Variants in NRXN3 observed in about 807,000 individuals in gnomAD.
The protein encoded by NRXN3 is neurexin III.
In NRXN3, 32 loss-of-function variants were observed where a neutral mutation model predicts 137.6. That is an observed-to-expected ratio of 0.23 (90% CI 0.18 to 0.31). The LOEUF is 0.31. Ranked by LOEUF, NRXN3 falls within the 10% of genes least tolerant of loss-of-function variation. The pLI is 1.00. For synonymous variants in NRXN3, 798 were observed against 784.5 expected, an observed-to-expected ratio of 1.02 and a Z score of -0.29; for missense variants, 1,574 against 2,062.5, an observed-to-expected ratio of 0.76 and a Z score of 4.59.
At chr14:78,945,011 A>T (rs1173500100) in intron 10 of NRXN3, among the ~76,000 whole-genome samples, 1 of 152,212 alleles carries the variant, frequency 6.6e-6, no homozygotes, top group Non-Finnish European at 1.5e-5. Context: ...AGCTCTGAAC[A>T]ATCTGAAAGT....
intron 15 of NRXN3, among the ~76,000 whole-genome samples, chr14:79,296,416 G>A (rs2084134618): frequency 1.3e-5 from 2 of 151,412 alleles, no homozygotes; most frequent in African/African-American, 4.9e-5. Flanking sequence ...ATTTCCACAG[G>A]CATGCAGGAG....
chr14:79,579,059 A>G (rs2097690945), intron 16 of NRXN3, among the ~76,000 whole-genome samples: 2 of 152,066 alleles, frequency 1.3e-5, no homozygotes, highest in African/African-American at 4.8e-5. Flanking sequence ...ATACATTTCA[A>G]TTTTACAGCT....
chr14:79,269,323 A>G (rs1329609272), intron 15 of NRXN3, among the ~76,000 whole-genome samples: 1 of 152,220 alleles, frequency 6.6e-6, no homozygotes, highest in Non-Finnish European at 1.5e-5. Context: ...TGCTGGGATT[A>G]CAGGAGTGAG....
intron 4 of NRXN3, among the ~76,000 whole-genome samples, chr14:78,422,822 G>A (rs1039594656): frequency 2.6e-5 from 4 of 152,182 alleles, no homozygotes; most frequent in African/African-American, 9.6e-5. Flanking sequence ...AAAGGGCTAT[G>A]AAACGCCAGT....
At chr14:79,294,736 A>G (rs1432188740) in intron 15 of NRXN3, among the ~76,000 whole-genome samples, 1 of 152,172 alleles carries the variant, frequency 6.6e-6, no homozygotes, top group Non-Finnish European at 1.5e-5. Context: ...AAAGAAATGC[A>G]TTGGAATTCA....
intron 19 of NRXN3, among the ~76,000 whole-genome samples, chr14:79,799,624 T>G (rs2140460186): frequency 6.6e-6 from 1 of 152,284 alleles, no homozygotes. Flanking sequence ...AAACCGTGTT[T>G]TAGACCTCTA....
chr14:78,561,042 A>G (rs1243183161), intron 4 of NRXN3, among the ~76,000 whole-genome samples: 4 of 152,212 alleles, frequency 2.6e-5, no homozygotes, highest in Non-Finnish European at 5.9e-5. Flanking sequence ...AGAACAGCAT[A>G]GCTTTACTTC....
At chr14:79,662,546 C>T (rs1222611580) in intron 16 of NRXN3, among the ~76,000 whole-genome samples, 1 of 152,050 alleles carries the variant, frequency 6.6e-6, no homozygotes, top group Admixed American at 6.6e-5. Flanking sequence ...CCATTTGCAT[C>T]ATTATTATCT....
intron 4 of NRXN3, among the ~76,000 whole-genome samples, chr14:78,395,267 A>G (rs1309961564): frequency 6.6e-6 from 1 of 151,718 alleles, no homozygotes; most frequent in Non-Finnish European, 1.5e-5. Context: ...TTAAAGCACT[A>G]TTTGGTTTTC....
intron 19 of NRXN3, among the ~76,000 whole-genome samples, chr14:79,787,951 A>C (rs2099134214): frequency 6.6e-6 from 1 of 152,142 alleles, no homozygotes; most frequent in Non-Finnish European, 1.5e-5. Flanking sequence ...TCCTTTGAAC[A>C]TGACTCCTGG....
chr14:78,788,259 A>T (rs998853350), intron 8 of NRXN3, among the ~76,000 whole-genome samples: 1 of 70,388 alleles, frequency 1.4e-5, no homozygotes, highest in African/African-American at 5.1e-5. Flanking sequence ...ATGCATATAT[A>T]TACAACATGT....
At chr14:79,633,955 A>G (rs941962247) in intron 16 of NRXN3, among the ~76,000 whole-genome samples, 7 of 152,104 alleles carry the variant, frequency 4.6e-5, no homozygotes, top group African/African-American at 1.7e-4. Flanking sequence ...AACTCTATCC[A>G]GTCTCACTCC....
In NRXN3 at chr14:79,148,785, C is replaced by A. The variant is rs12590650; in HGVS notation, c.3262+160644C>A. On this transcript the variant is annotated intron_variant, in intron 15 of 20. Coordinates refer to ENST00000335750, the MANE Select transcript of NRXN3 (RefSeq NM_001330195.2). ...ATTCTCTGGCCCCTTCCACATATAACCCCTGGACTGCCTTACTAATTTCTT... is the reference window on the plus strand; with the variant it reads ...ATTCTCTGGCCCCTTCCACATATAAACCCTGGACTGCCTTACTAATTTCTT... 2.0e-3 allele frequency among the ~76,000 whole-genome samples: 305 copies of A among 152,240 alleles called. 7 individuals are homozygous for A. In the East Asian group the frequency reaches 0.051, roughly 25 times the overall value.
rs1352686704 is a variant in NRXN3 at position 79,439,850 on chromosome 14, TATC to T, written c.3263-27369_3263-27367del. 4.6e-5 allele frequency among the ~76,000 whole-genome samples: 7 copies of T among 152,318 alleles called. No individual in the cohort carries two copies. The East Asian group carries it at 1.4e-3, about 29-fold the overall frequency. On this transcript the variant is annotated intron_variant, in intron 15 of 20. Coordinates refer to ENST00000335750, the MANE Select transcript of NRXN3 (RefSeq NM_001330195.2). The stretch of plus-strand genomic sequence containing the variant: ...AGATTTAACTCAGCAATCAATATAT[TATC>T]AATAATAATCATTAATTTATACATA...
chr14:78,509,671 C>G (rs547962368), intron 4 of NRXN3, among the ~76,000 whole-genome samples: 1 of 152,228 alleles, frequency 6.6e-6, no homozygotes, highest in African/African-American at 2.4e-5. Context: ...CCAGAGGGAC[C>G]TGCAGCAATC....
chr14:78,570,317 G>A (rs535445605), intron 4 of NRXN3, among the ~76,000 whole-genome samples: 5 of 152,054 alleles, frequency 3.3e-5, no homozygotes, highest in South Asian at 2.1e-4. Flanking sequence ...ATCACCAGAA[G>A]CTGACCATGC....
rs368265844 is a variant in NRXN3, at chr14:78,942,680, A to T, written c.2276-14562A>T. 2.6e-5 allele frequency among the ~76,000 whole-genome samples: 4 copies of T among 152,156 alleles called. No homozygotes were observed. In the East Asian group the frequency reaches 5.8e-4, roughly 22 times the overall value. On this transcript the variant is annotated intron_variant, in intron 10 of 20. Transcript: ENST00000335750. The stretch of plus-strand genomic sequence containing the variant: ...ATAAAAGACACAAAATTACAGCTAG[A>T]TAGAAAAAATAAGTGCTAGTGTTCC...
intron 4 of NRXN3, among the ~76,000 whole-genome samples, chr14:78,511,064 A>G (rs2096096195): frequency 6.6e-6 from 1 of 152,136 alleles, no homozygotes; most frequent in Admixed American, 6.6e-5. Context: ...GTGCCTTCTT[A>G]TTTCTAATGC....
At chr14:79,224,601 G>A (rs2070461620) in intron 15 of NRXN3, among the ~76,000 whole-genome samples, 1 of 152,118 alleles carries the variant, frequency 6.6e-6, no homozygotes. Flanking sequence ...GTTGAGCAGT[G>A]TTCCTCCAAA....
Sources: gnomAD v4.1 joint callset for allele counts (sites outside exome capture counted in the v4.1 genomes callset) on GRCh38, gnomAD v4.1.1 for gene constraint, MANE v1.5 for transcripts, NCBI Gene and HGNC (gene_info 2026-07-23, HGNC 2026-07-21) for gene names.